FMN2: variants seen among roughly 807,000 people sequenced by gnomAD.
The protein encoded by FMN2 is formin-2.
In FMN2, 51 loss-of-function variants were observed where a neutral mutation model predicts 142.3. That is an observed-to-expected ratio of 0.36 (90% CI 0.29 to 0.45). FMN2 has a LOEUF of 0.45. Ranked by LOEUF, FMN2 falls within the 20% of genes least tolerant of loss-of-function variation. FMN2 has a pLI of 1.00. For missense variants in FMN2, 1,936 were observed against 2,122.8 expected (o/e 0.91, Z 1.73); for synonymous variants, 882 against 869.8 (o/e 1.01, Z -0.25).
intron 15 of FMN2, 69 bp from the exon 16 acceptor site, chr1:240,437,992 A>G (rs1675460206): frequency 3.3e-6 from 5 of 1,533,576 alleles, no homozygotes; most frequent in Non-Finnish European, 4.4e-6. Context: ...GCATTTGGAT[A>G]GAGAAAGAAT....
intron 6 of FMN2, among the ~76,000 whole-genome samples, chr1:240,213,213 A>G (rs758905025): frequency 6.6e-6 from 1 of 152,186 alleles, no homozygotes; most frequent in Non-Finnish European, 1.5e-5. Context: ...AAGGCATTTC[A>G]TAAATTGTCG....
chr1:240,238,200 G>A (rs147238428), intron 6 of FMN2, among the ~76,000 whole-genome samples: 15 of 152,286 alleles, frequency 9.8e-5, no homozygotes, highest in African/African-American at 3.6e-4. Flanking sequence ...GAAGATAATG[G>A]TGTTAAAATA....
chr1:240,346,132 C>G (rs1452852990), intron 13 of FMN2, among the ~76,000 whole-genome samples: 1 of 152,066 alleles, frequency 6.6e-6, no homozygotes, highest in Non-Finnish European at 1.5e-5. Flanking sequence ...GTACAGTAGT[C>G]TCCCCTTATC....
intron 16 of FMN2, among the ~76,000 whole-genome samples, chr1:240,451,092 G>A (rs772246604): frequency 1.3e-5 from 2 of 152,164 alleles, no homozygotes; most frequent in African/African-American, 2.4e-5. Flanking sequence ...TCTTGGCTGG[G>A]CGCAGTGGCT....
chr1:240,350,509 C>A lies in FMN2; in HGVS notation c.4766-5307C>A, dbSNP rs188300819. Among the ~76,000 whole-genome samples the A allele has an allele frequency of 4.9e-3, 741 of 152,304 alleles. 5 individuals carry two copies. Among genetic ancestry groups the A allele is most frequent in the African/African-American group, 0.017 (698 of 41,568 alleles). On this transcript the variant is annotated intron_variant, in intron 13 of 17. Transcript: ENST00000319653. ...AATTATAATCAGAAACAAAGATACA[C>A]AAACAAATACATTCAATGAAATAAT...
At chr1:240,095,165 T>C (rs1661154234) in intron 1 of FMN2, among the ~76,000 whole-genome samples, 1 of 152,178 alleles carries the variant, frequency 6.6e-6, no homozygotes, top group Non-Finnish European at 1.5e-5. Context: ...TTGCATTAAT[T>C]TTTGTGAATT....
At chr1:240,225,893 C>T (rs1176633339) in intron 6 of FMN2, among the ~76,000 whole-genome samples, 1 of 151,946 alleles carries the variant, frequency 6.6e-6, no homozygotes, top group Non-Finnish European at 1.5e-5. Context: ...GTTAAAAGTA[C>T]AATAACCAAA....
chr1:240,444,417 C>G (rs760050009), intron 16 of FMN2, among the ~76,000 whole-genome samples: 1 of 152,138 alleles, frequency 6.6e-6, no homozygotes, highest in Non-Finnish European at 1.5e-5. Flanking sequence ...CCACTGGGCC[C>G]CCAGCCTCAT....
At chr1:240,302,078 TTCA>T (rs1670220268) in intron 8 of FMN2, among the ~76,000 whole-genome samples, 2 of 152,186 alleles carry the variant, frequency 1.3e-5, no homozygotes, top group South Asian at 4.1e-4. Flanking sequence ...TTTCTTTCTG[TTCA>T]TCATATTGTG....
chr1:240,374,220 C>T (rs914480124), intron 14 of FMN2, among the ~76,000 whole-genome samples: 1 of 152,150 alleles, frequency 6.6e-6, no homozygotes, highest in African/African-American at 2.4e-5. Context: ...AGATCACAGG[C>T]ATAGTAGATT....
intron 6 of FMN2, among the ~76,000 whole-genome samples, chr1:240,240,645 G>C (rs1475185615): frequency 2.0e-5 from 3 of 152,120 alleles, no homozygotes; most frequent in Non-Finnish European, 2.9e-5. Flanking sequence ...CAATGTATTG[G>C]TTTTCTTATA....
intron 1 of FMN2, among the ~76,000 whole-genome samples, chr1:240,100,938 T>C (rs1661388896): frequency 6.6e-6 from 1 of 152,220 alleles, no homozygotes; most frequent in Admixed American, 6.5e-5. Context: ...TTGTACTTCA[T>C]GCAGAAGGGT....
chr1:240,209,884 A>G (rs957075841), intron 5 of FMN2, among the ~76,000 whole-genome samples: 1 of 151,952 alleles, frequency 6.6e-6, no homozygotes, highest in Non-Finnish European at 1.5e-5. Context: ...AGCCTGGGCG[A>G]CAGAGCGAGA....
At chr1:240,427,245 T>G (rs754376111) in intron 15 of FMN2, among the ~76,000 whole-genome samples, 52 of 151,372 alleles carry the variant, frequency 3.4e-4, no homozygotes, top group Non-Finnish European at 5.7e-4. Flanking sequence ...CTCGCCTGTC[T>G]CCCAGGCTGG....
chr1:240,164,050 A>C (rs1157636949), intron 2 of FMN2, among the ~76,000 whole-genome samples: 1 of 151,792 alleles, frequency 6.6e-6, no homozygotes, highest in Non-Finnish European at 1.5e-5. Context: ...GATAATTTTT[A>C]TGTTTATTTT....
At position 240,214,531 on chromosome 1, in the gene FMN2, A is replaced by G. The variant is rs1468565595; in HGVS notation, c.4065+3296A>G. 1.2e-4 allele frequency among the ~76,000 whole-genome samples: 18 copies of G among 147,508 alleles called. No homozygotes were observed. In the East Asian group the frequency reaches 3.4e-3, roughly 27 times the overall value. ...GCACCACTGCACTCCAGCCTGGGCA[A>G]TAGAGTGAGACTCCATCTCAAAAAA... On this transcript the variant is annotated intron_variant, in intron 6 of 17. Transcript: ENST00000319653.
Position 240,207,559 on chromosome 1 carries a change from C to T in FMN2, c.2747C>T (p.Pro916Leu), listed in dbSNP as rs771688332. ...CTGCCACCCCCTCCCCCTCCTCTTC[C>T]CGGAGCGGGCATACCTCCTCCGCCG... ...EMLPPPPPPL[P>L]GAGIPPPPPL... Residue 916 changes from proline to leucine, a missense_variant, in exon 5 of 18, where the codon CCC (proline) becomes CTC (leucine). By Grantham distance (98) the Pro-to-Leu change is moderately conservative. Transcript: ENST00000319653. The T allele has an allele frequency of 1.9e-6, 3 of 1,610,182 alleles. No individual in the cohort carries two copies. Among genetic ancestry groups the T allele is most frequent in the Non-Finnish European group, 2.5e-6 (3 of 1,178,110 alleles).
chr1:240,155,214 T>A (rs1041614393), intron 2 of FMN2, among the ~76,000 whole-genome samples: 1 of 152,256 alleles, frequency 6.6e-6, no homozygotes, highest in African/African-American at 2.4e-5. Context: ...TCGATGAAGA[T>A]GATTTTCTGC....
intron 16 of FMN2, among the ~76,000 whole-genome samples, chr1:240,452,980 G>T (rs536457668): frequency 2.0e-5 from 3 of 152,218 alleles, no homozygotes; most frequent in Non-Finnish European, 2.9e-5. Flanking sequence ...AGGTTAAAAA[G>T]ACCTGGATTT....
Sources: gnomAD v4.1 joint callset for allele counts (sites outside exome capture counted in the v4.1 genomes callset) on GRCh38, gnomAD v4.1.1 for gene constraint, MANE v1.5 for transcripts, NCBI Gene and HGNC (gene_info 2026-07-23, HGNC 2026-07-21) for gene names.